Variants in PKHD1L1 observed in about 807,000 individuals in gnomAD.
PKHD1L1 encodes the protein fibrocystin-L.
Under a neutral mutation model 462.9 loss-of-function variants are expected in PKHD1L1, and 434 were observed. That is an observed-to-expected ratio of 0.94 (90% CI 0.87 to 1.02). The LOEUF is 1.02. Among genes scored for constraint, PKHD1L1 ranks in the 50% least tolerant of loss-of-function variants. PKHD1L1 has a pLI of 0.00. For missense variants in PKHD1L1, 5,202 were observed against 5,096.1 expected (o/e 1.02, Z -0.63); for synonymous variants, 1,781 against 1,750.0 (o/e 1.02, Z -0.44).
intron 67 of PKHD1L1, among the ~76,000 whole-genome samples, chr8:109,502,597 G>T (rs868163427): frequency 3.3e-5 from 5 of 152,302 alleles, no homozygotes; most frequent in South Asian, 2.1e-4. Flanking sequence ...AAGTTGTAAG[G>T]TTCCTCTGAT....
chr8:109,531,744 C>T lies in PKHD1L1; in HGVS notation c.*1654C>T, dbSNP rs202070212. On this transcript the variant is annotated 3_prime_UTR_variant, in exon 78 of 78. Coordinates refer to ENST00000378402, the MANE Select transcript of PKHD1L1 (RefSeq NM_177531.6). ...TACATGAAAGCCCCTTCATGAGGAACATTTGCCATGTCCAGAGAGCATTGA... is the reference window on the plus strand; with the variant it reads ...TACATGAAAGCCCCTTCATGAGGAATATTTGCCATGTCCAGAGAGCATTGA... Among the ~76,000 whole-genome samples the T allele has an allele frequency of 5.9e-5, 9 of 152,318 alleles. No homozygotes were observed. In the East Asian group the frequency reaches 1.7e-3, roughly 29 times the overall value.
rs1237044888 is a variant in PKHD1L1 at position 109,436,409 on chromosome 8, T to C, written c.3577T>C (p.Cys1193Arg). 1 of 1,613,536 alleles carries C rather than the reference T, an allele frequency of 6.2e-7. No individual in the cohort carries two copies. The change falls in exon 30 of 78, where the codon TGC becomes CGC. Residue 1193 changes from cysteine (C) to arginine (R), a missense_variant. Cys to Arg is a radical substitution (Grantham distance 180, BLOSUM62 -3). Coordinates refer to ENST00000378402, the MANE Select transcript of PKHD1L1 (RefSeq NM_177531.6). ...NSKVLVGNET[C>R]NVIEGDLNRI... The stretch of plus-strand genomic sequence containing the variant: ...AAAGGTATTAGTTGGAAATGAAACC[T>C]GCAATGTGATTGAAGGGGATTTGAA...
intron 74 of PKHD1L1, 66 bp from the exon 75 acceptor site, chr8:109,522,678 A>G (rs1340303490): frequency 1.4e-6 from 2 of 1,446,440 alleles, no homozygotes; most frequent in Non-Finnish European, 1.8e-6. Flanking sequence ...CAGCCTGGCT[A>G]AAATGAGTTT....
chr8:109,426,457 A>G (rs1201838516), intron 24 of PKHD1L1, among the ~76,000 whole-genome samples: 1 of 151,906 alleles, frequency 6.6e-6, no homozygotes, highest in Non-Finnish European at 1.5e-5. Flanking sequence ...ATTTTTAAAA[A>G]TAATTATTTA....
intron 13 of PKHD1L1, 64 bp downstream of exon 13, chr8:109,400,408 T>G (rs917914563): frequency 2.0e-6 from 3 of 1,487,198 alleles, no homozygotes; most frequent in African/African-American, 2.8e-5. Context: ...TATATGTATC[T>G]TACTCTAAAT....
At chr8:109,525,821 A>G (rs1563641227) in intron 76 of PKHD1L1, among the ~76,000 whole-genome samples, 1 of 151,926 alleles carries the variant, frequency 6.6e-6, no homozygotes, top group Admixed American at 6.6e-5. Flanking sequence ...AGAAAATTCT[A>G]TAGTACAGTG....
Position 109,454,260 on chromosome 8 carries a change from C to T in PKHD1L1, c.6744+14C>T, listed in dbSNP as rs1165831398. 5 of 1,550,850 alleles carry T rather than the reference C, an allele frequency of 3.2e-6. No individual in the cohort carries two copies. Among genetic ancestry groups the T allele is most frequent in the Non-Finnish European group, 4.4e-6 (5 of 1,136,848 alleles). On this transcript the variant is annotated intron_variant, in intron 44 of 77. Coordinates refer to ENST00000378402, the MANE Select transcript of PKHD1L1 (RefSeq NM_177531.6). ...GGTGTTCTTCAGGTATTCAAAAGAA[C>T]ATAATACATATTCATTTCCAACCTG... is the stretch of plus-strand genomic sequence containing the variant.
intron 14 of PKHD1L1, among the ~76,000 whole-genome samples, chr8:109,402,879 T>C (rs897193048): frequency 6.6e-6 from 1 of 152,196 alleles, no homozygotes; most frequent in African/African-American, 2.4e-5. Flanking sequence ...TTAGTAATAC[T>C]GACATGGGGA....
At position 109,412,414 on chromosome 8, in the gene PKHD1L1, G is replaced by A. The variant is rs1478584665; in HGVS notation, c.2235G>A (p.Gln745=). Residue 745 remains glutamine, a splice_region_variant and synonymous_variant, in exon 20 of 78, where the codon CAG becomes CAA. Coordinates refer to ENST00000378402, the MANE Select transcript of PKHD1L1 (RefSeq NM_177531.6). ...ATATTTTATTGTTTCCTTATAATCAGGTAAGCTCAACAAAATGATATGCTA... is the reference window on the plus strand; with the variant it reads ...ATATTTTATTGTTTCCTTATAATCAAGTAAGCTCAACAAAATGATATGCTA... ...YGDILLFPYN[Q]LCLAYKGFLA... is the part of the protein sequence containing the mutation. 2 of 1,602,628 alleles carry A rather than the reference G, an allele frequency of 1.2e-6. No individual in the cohort carries two copies. Among genetic ancestry groups the A allele is most frequent in the East Asian group, 2.2e-5 (1 of 44,708 alleles).
chr8:109,432,313 C>T (rs531066242), intron 27 of PKHD1L1, among the ~76,000 whole-genome samples: 13 of 152,064 alleles, frequency 8.5e-5, no homozygotes, highest in Non-Finnish European at 4.4e-5. Flanking sequence ...ATGGTCAACC[C>T]CATGACTTCA....
chr8:109,529,324 G>A (rs543037380), intron 77 of PKHD1L1, among the ~76,000 whole-genome samples: 1 of 152,154 alleles, frequency 6.6e-6, no homozygotes, highest in South Asian at 2.1e-4. Flanking sequence ...TATAGACAAG[G>A]GGGTTTATGT....
rs573898883 is a variant in PKHD1L1 at position 109,479,511 on chromosome 8, C to T, written c.9090-40C>T. ...TTTTAGACAAAATTAGGGAATATCA[C>T]AAGTAGTAATTCATGGAAGTATTTC... is the stretch of plus-strand genomic sequence containing the variant. On this transcript the variant is annotated intron_variant, in intron 53 of 77. Coordinates refer to ENST00000378402, the MANE Select transcript of PKHD1L1 (RefSeq NM_177531.6). 7 of 1,253,182 alleles carry T rather than the reference C, an allele frequency of 5.6e-6. No homozygotes were observed. The East Asian group carries it at 1.0e-4, about 18-fold the overall frequency. The allele number at this position is 1,253,182 out of a possible 1,614,324, so 77.6% of individuals were successfully genotyped here. A position where few individuals can be genotyped will look rare whatever the true frequency, so the allele number is the denominator to read the frequency against.
intron 9 of PKHD1L1, among the ~76,000 whole-genome samples, chr8:109,392,219 C>T (rs2130488591): frequency 6.6e-6 from 1 of 152,158 alleles, no homozygotes; most frequent in East Asian, 1.9e-4. Flanking sequence ...TAGCAACCTT[C>T]CCAAGGTGAA....
intron 51 of PKHD1L1, among the ~76,000 whole-genome samples, chr8:109,475,795 C>T (rs1313314187): frequency 1.4e-5 from 2 of 143,164 alleles, no homozygotes; most frequent in Non-Finnish European, 3.0e-5. Flanking sequence ...TTGCAGTGAA[C>T]CAAGATCGCC....
At chr8:109,399,909 C>T (rs1813183248) in intron 12 of PKHD1L1, among the ~76,000 whole-genome samples, 167 bp from the exon 13 acceptor site, 1 of 152,066 alleles carries the variant, frequency 6.6e-6, no homozygotes, top group Admixed American at 6.6e-5. Context: ...TTACAGACTG[C>T]CCTCTGGCTG....
intron 50 of PKHD1L1, among the ~76,000 whole-genome samples, chr8:109,472,117 G>A (rs553250757): frequency 4.6e-5 from 7 of 151,922 alleles, no homozygotes; most frequent in South Asian, 4.2e-4. Context: ...AGACTTGTGC[G>A]CATGGAAGTA....
chr8:109,505,887 A>G (rs1201224522), intron 68 of PKHD1L1, among the ~76,000 whole-genome samples: 1 of 152,202 alleles, frequency 6.6e-6, no homozygotes, highest in African/African-American at 2.4e-5. Flanking sequence ...CTTGGGCAAC[A>G]CAGTGAGACC....
At position 109,419,218 on chromosome 8, in the gene PKHD1L1, G is replaced by A. The variant is rs1323610234; in HGVS notation, c.2482G>A (p.Val828Ile). 1.9e-6 allele frequency: 3 copies of A among 1,611,948 alleles called. No homozygotes were observed. The highest frequency in any genetic ancestry group is 2.5e-6 in the Non-Finnish European group (3 of 1,178,790). Residue 828 changes from valine to isoleucine, a missense_variant, in exon 22 of 78, where the codon GTA (valine) becomes ATA (isoleucine). By Grantham distance (29) the Val-to-Ile change is conservative. Around this residue, in one of 3 missense-constraint regions of PKHD1L1, gnomAD observed 4,497 missense variants for 4,336.8 expected, o/e 1.04. Coordinates refer to ENST00000378402, the MANE Select transcript of PKHD1L1 (RefSeq NM_177531.6). ...AGAATCACAGTCCTTCTATGTGGAT[G>A]TAGTGTACATTGGACACACATCTAC... is the stretch of plus-strand genomic sequence containing the variant. ...ASESQSFYVD[V>I]VYIGHTSTIS...
At position 109,405,942 on chromosome 8, in the gene PKHD1L1, A is replaced by G. The variant is rs532010405; in HGVS notation, c.1670-393A>G. ...ATTTTTTAAATTAAATGATAGGCCT[A>G]TGGAACACCAATTTATCAGCCAATA... On this transcript the variant is annotated intron_variant, in intron 16 of 77. Transcript: ENST00000378402. Among the ~76,000 whole-genome samples, 133 of 152,310 alleles carry G rather than the reference A, an allele frequency of 8.7e-4. 2 individuals carry two copies. The highest frequency in any genetic ancestry group is 7.6e-3 in the Admixed American group (116 of 15,288).
Sources: gnomAD v4.1 joint callset for allele counts (sites outside exome capture counted in the v4.1 genomes callset) on GRCh38, gnomAD v4.1.1 for gene constraint, gnomAD v4.1.1 regional missense constraint, MANE v1.5 for transcripts, NCBI Gene and HGNC (gene_info 2026-07-23, HGNC 2026-07-21) for gene names.